Variants in GRIK2 observed in about 807,000 individuals in gnomAD.
GRIK2 encodes glutamate ionotropic receptor kainate type subunit 2.
A neutral mutation model predicts 100.3 loss-of-function variants in GRIK2; 32 were observed. The observed-to-expected ratio is 0.32, with a 90% CI of 0.24 to 0.43. The LOEUF (loss-of-function observed/expected upper bound fraction) is 0.43. Among genes scored for constraint, GRIK2 ranks in the 20% least tolerant of loss-of-function variants. The pLI is 1.00. For missense variants in GRIK2, 843 were observed against 1,114.9 expected (o/e 0.76, Z 3.47); for synonymous variants, 417 against 389.4 (o/e 1.07, Z -0.83).
chr6:101,570,348 A>C (rs999753425), intron 2 of GRIK2, among the ~76,000 whole-genome samples: 14 of 152,228 alleles, frequency 9.2e-5, no homozygotes, highest in African/African-American at 3.4e-4. Flanking sequence ...TGGTGATGAT[A>C]TTCTACAAGC....
chr6:101,660,400 C>T (rs1017902451), intron 4 of GRIK2, among the ~76,000 whole-genome samples: 2 of 151,892 alleles, frequency 1.3e-5, no homozygotes, highest in Non-Finnish European at 2.9e-5. Flanking sequence ...TCTTAGTTTC[C>T]TTGCATTGGG....
At chr6:101,785,314 T>C (rs567305305) in intron 7 of GRIK2, among the ~76,000 whole-genome samples, 27 of 152,302 alleles carry the variant, frequency 1.8e-4, no homozygotes, top group Admixed American at 1.4e-3. Flanking sequence ...TTATGTCCCA[T>C]ATGGCTTTTT....
At chr6:101,790,166 A>T (rs571216928) in intron 7 of GRIK2, among the ~76,000 whole-genome samples, 341 of 152,222 alleles carry the variant, frequency 2.2e-3, no homozygotes, top group African/African-American at 7.9e-3. Flanking sequence ...GGACAATTTG[A>T]CTTCCTCTTT....
Position 101,793,670 on chromosome 6 carries a change from G to C in GRIK2, c.952-5978G>C, listed in dbSNP as rs548233100. 3.9e-4 allele frequency among the ~76,000 whole-genome samples: 59 copies of C among 152,302 alleles called. 1 individual carries two copies. The highest frequency in any genetic ancestry group is 1.9e-3 in the South Asian group (9 of 4,826). ...TCGGGGGTCAGGGGTCAGGGACCCA[G>C]TTGAGGAGGCAGTCTGCCCGTTCTC... On this transcript the variant is annotated intron_variant, in intron 7 of 16. Transcript: ENST00000369134.
intron 11 of GRIK2, among the ~76,000 whole-genome samples, chr6:101,872,211 T>C (rs1362474733): frequency 6.6e-6 from 1 of 151,948 alleles, no homozygotes; most frequent in Non-Finnish European, 1.5e-5. Context: ...TGGCCAACAT[T>C]AACCCAGTAA....
chr6:101,820,325 A>T lies in GRIK2; in HGVS notation c.1317+1842A>T, dbSNP rs559809289. ...CATAGGATCAATAATTCTGGGTAGAAAACATCTGTAGCCTTCAGTAATCTG... is the reference window on the plus strand; with the variant it reads ...CATAGGATCAATAATTCTGGGTAGATAACATCTGTAGCCTTCAGTAATCTG... On this transcript the variant is annotated intron_variant, in intron 10 of 16. Transcript: ENST00000369134. Among the ~76,000 whole-genome samples, 48 of 152,036 alleles carry T rather than the reference A, an allele frequency of 3.2e-4. 1 individual carries two copies. Among genetic ancestry groups the T allele is most frequent in the Admixed American group, 3.1e-3 (47 of 15,270 alleles).
At chr6:101,471,324 T>G (rs1019390945) in intron 2 of GRIK2, among the ~76,000 whole-genome samples, 5 of 152,088 alleles carry the variant, frequency 3.3e-5, no homozygotes, top group Non-Finnish European at 7.4e-5. Flanking sequence ...AAAATGCTAT[T>G]GGGTCAATAA....
At chr6:102,024,495 G>A (rs1769589961) in intron 14 of GRIK2, among the ~76,000 whole-genome samples, 1 of 151,170 alleles carries the variant, frequency 6.6e-6, no homozygotes, top group Non-Finnish European at 1.5e-5. Flanking sequence ...CTGTATCCAG[G>A]AAATGAATAG....
At chr6:101,508,416 C>G (rs1189688262) in intron 2 of GRIK2, among the ~76,000 whole-genome samples, 2 of 151,950 alleles carry the variant, frequency 1.3e-5, no homozygotes, top group African/African-American at 4.8e-5. Flanking sequence ...TAAGGACGTT[C>G]CTGAGACTAA....
At position 101,791,639 on chromosome 6, in the gene GRIK2, A is replaced by G. The variant is rs539936538; in HGVS notation, c.952-8009A>G. Among the ~76,000 whole-genome samples, 1,202 of 152,098 alleles carry G rather than the reference A, an allele frequency of 7.9e-3. 7 individuals carry two copies. The highest frequency in any genetic ancestry group is 9.8e-3 in the Non-Finnish European group (664 of 67,998). On this transcript the variant is annotated intron_variant, in intron 7 of 16. Coordinates refer to ENST00000369134, the MANE Select transcript of GRIK2 (RefSeq NM_021956.5). Reference sequence around the variant, plus strand: ...AGCTTTACTTCCCAGTATGTGGTCAATTTTGGAATAGGTGTGGTGTGGTGC... The same window carrying G: ...AGCTTTACTTCCCAGTATGTGGTCAGTTTTGGAATAGGTGTGGTGTGGTGC...
rs77126415 is a variant in GRIK2 at position 101,518,492 on chromosome 6, C to G, written c.116-103457C>G. Among the ~76,000 whole-genome samples, 851 of 152,158 alleles carry G rather than the reference C, an allele frequency of 5.6e-3. 4 individuals are homozygous for G. Among genetic ancestry groups the G allele is most frequent in the Non-Finnish European group, 9.4e-3 (642 of 68,000 alleles). On this transcript the variant is annotated intron_variant, in intron 2 of 16. Coordinates refer to ENST00000369134, the MANE Select transcript of GRIK2 (RefSeq NM_021956.5). ...TAAGACAAGGTAAGTGGCTTCCCAT[C>G]ATATTGGAGAGGCAATCAATTTTCT... is the stretch of plus-strand genomic sequence containing the variant.
At chr6:101,838,458 A>G (rs2128432781) in intron 10 of GRIK2, among the ~76,000 whole-genome samples, 1 of 152,248 alleles carries the variant, frequency 6.6e-6, no homozygotes, top group African/African-American at 2.4e-5. Flanking sequence ...TTCCAGCCAC[A>G]TGTGTAAGCC....
intron 2 of GRIK2, among the ~76,000 whole-genome samples, chr6:101,451,698 G>A (rs750739517): frequency 1.7e-5 from 1 of 59,178 alleles, no homozygotes; most frequent in African/African-American, 5.6e-5. Context: ...ATCTCTGAGG[G>A]GGGGGGGGGT....
chr6:101,660,849 C>A (rs778248107), intron 4 of GRIK2, among the ~76,000 whole-genome samples: 1 of 152,122 alleles, frequency 6.6e-6, no homozygotes. Context: ...CCTCTGGAAG[C>A]TTCATCCCAG....
chr6:101,987,508 C>G (rs1348808983), intron 14 of GRIK2, among the ~76,000 whole-genome samples: 3 of 151,328 alleles, frequency 2.0e-5, no homozygotes, highest in African/African-American at 7.3e-5. Flanking sequence ...CTTTTCAATT[C>G]TTATTAGGTG....
intron 2 of GRIK2, among the ~76,000 whole-genome samples, chr6:101,593,370 G>A (rs1364514511): frequency 6.6e-6 from 1 of 151,772 alleles, no homozygotes; most frequent in Non-Finnish European, 1.5e-5. Context: ...TTGCTGTCGT[G>A]TAATGAGCAT....
chr6:101,787,888 G>C (rs1374502066), intron 7 of GRIK2, among the ~76,000 whole-genome samples: 3 of 152,216 alleles, frequency 2.0e-5, no homozygotes, highest in East Asian at 1.9e-4. Context: ...AATGTTGAGA[G>C]TGGATATTAA....
chr6:101,484,734 G>A (rs1433615413), intron 2 of GRIK2, among the ~76,000 whole-genome samples: 1 of 151,950 alleles, frequency 6.6e-6, no homozygotes, highest in Non-Finnish European at 1.5e-5. Flanking sequence ...AGAGAAATTT[G>A]AGGTAAAGTA....
chr6:101,892,030 CAA>C (rs1787134394), intron 12 of GRIK2, among the ~76,000 whole-genome samples: 1 of 152,046 alleles, frequency 6.6e-6, no homozygotes, highest in African/African-American at 2.4e-5. Flanking sequence ...CCAAAATATA[CAA>C]AAAGTCTTCC....
Sources: allele counts gnomAD v4.1 joint callset (sites outside exome capture counted in the v4.1 genomes callset), GRCh38; gene constraint gnomAD v4.1.1; transcripts MANE v1.5; gene names NCBI Gene and HGNC (gene_info 2026-07-23, HGNC 2026-07-21).